The following WNT7A variants were observed in gnomAD, a reference collection of about 807,000 sequenced individuals.
WNT7A encodes protein Wnt-7a.
A neutral mutation model predicts 28.2 loss-of-function variants in WNT7A; 16 were observed. The observed-to-expected ratio is 0.57, with a 90% CI of 0.38 to 0.86. The LOEUF (loss-of-function observed/expected upper bound fraction) is 0.86, where lower values mean the gene tolerates loss of function less well. Ranked by LOEUF, WNT7A falls within the 40% of genes least tolerant of loss-of-function variation. WNT7A has a pLI of 0.00. For synonymous variants in WNT7A, 190 were observed against 195.9 expected (o/e 0.97, Z 0.25); for missense variants, 411 against 489.7 (o/e 0.84, Z 1.52).
In WNT7A at chr3:13,880,029, G is replaced by C; in HGVS notation, c.-213C>G. The stretch of plus-strand genomic sequence containing the variant: ...GGAGGGAGGGAGGAGCGAGCGCGGC[G>C]TGGGGCGACGCCGGGCTGCGCGCGA... On this transcript the variant is annotated 5_prime_UTR_variant, in exon 1 of 4. Transcript: ENST00000285018. The C allele has an allele frequency of 2.7e-6, 1 of 365,058 alleles. No homozygotes were observed. The highest frequency in any genetic ancestry group is 4.9e-6 in the Non-Finnish European group (1 of 205,992). The allele number at this position is 365,058 out of a possible 1,614,324, so 22.6% of individuals were successfully genotyped here.
At chr3:13,869,925 C>T (rs555986195) in intron 2 of WNT7A, among the ~76,000 whole-genome samples, 1 of 152,246 alleles carries the variant, frequency 6.6e-6, no homozygotes, top group African/African-American at 2.4e-5. Flanking sequence ...GGCTGCAGGC[C>T]CCTGCTCATT....
Position 13,875,181 on chromosome 3 carries a change from G to A in WNT7A, c.72-8C>T, listed in dbSNP as rs886044627. ...ACCACTGAGGAGAAGCCACTGGAGGGAGAGACACAGAGAGATGGAGCATTA... is the reference window on the plus strand; with the variant it reads ...ACCACTGAGGAGAAGCCACTGGAGGAAGAGACACAGAGAGATGGAGCATTA... On this transcript the variant is annotated splice_region_variant and splice_polypyrimidine_tract_variant and intron_variant, in intron 1 of 3. Transcript: ENST00000285018. The A allele has an allele frequency of 6.2e-7, 1 of 1,613,732 alleles. No homozygotes were observed. Among genetic ancestry groups the A allele is most frequent in the Non-Finnish European group, 8.5e-7 (1 of 1,179,904 alleles).
chr3:13,820,771 G>T (rs924626003), intron 3 of WNT7A, among the ~76,000 whole-genome samples: 1 of 152,184 alleles, frequency 6.6e-6, no homozygotes, highest in Non-Finnish European at 1.5e-5. Context: ...CCTTCCAGGA[G>T]AGGTGACCAG....
chr3:13,825,917 C>T (rs574817521), intron 3 of WNT7A, among the ~76,000 whole-genome samples: 1 of 152,336 alleles, frequency 6.6e-6, no homozygotes, highest in East Asian at 1.9e-4. Flanking sequence ...CCATCTCAGC[C>T]TCTGCTTCCA....
At chr3:13,878,426 A>C (rs1037867622) in intron 1 of WNT7A, among the ~76,000 whole-genome samples, 2 of 152,112 alleles carry the variant, frequency 1.3e-5, no homozygotes, top group Non-Finnish European at 2.9e-5. Flanking sequence ...AGGGGAAAAA[A>C]AGGAAAGCCA....
rs1484470912 is a variant in WNT7A, at chr3:13,818,402, T to G, written c.*542A>C. 1 of 142,554 alleles carries G rather than the reference T, an allele frequency of 7.0e-6. No individual in the cohort carries two copies. The highest frequency in any genetic ancestry group is 1.5e-5 in the Non-Finnish European group (1 of 66,676). 8.8% of individuals were successfully genotyped at this position (142,554 alleles called of 1,614,324 possible). A position where few individuals can be genotyped will look rare whatever the true frequency, so the allele number is the denominator to read the frequency against. Reference sequence around the variant, plus strand: ...TGTATATCTATATATGCATAAAAGATGTCTCCTCTTGTACTTAAACATCTA... The same window carrying G: ...TGTATATCTATATATGCATAAAAGAGGTCTCCTCTTGTACTTAAACATCTA... On this transcript the variant is annotated 3_prime_UTR_variant, in exon 4 of 4. Coordinates refer to ENST00000285018, the MANE Select transcript of WNT7A (RefSeq NM_004625.4).
At chr3:13,867,780 A>G (rs1575073647) in intron 2 of WNT7A, among the ~76,000 whole-genome samples, 1 of 152,258 alleles carries the variant, frequency 6.6e-6, no homozygotes, top group Non-Finnish European at 1.5e-5. Flanking sequence ...AAAAATGGGG[A>G]AAAAGCATGA....
chr3:13,853,918 C>T (rs1365282012), intron 3 of WNT7A, among the ~76,000 whole-genome samples: 1 of 152,188 alleles, frequency 6.6e-6, no homozygotes, highest in East Asian at 1.9e-4. Context: ...GACCTGGGAC[C>T]TGCAGGGTGA....
chr3:13,819,445 A>C, intron 3 of WNT7A, 22 bp from the exon 4 acceptor site: 1 of 1,608,744 alleles, frequency 6.2e-7, no homozygotes, highest in South Asian at 1.1e-5. Flanking sequence ...GGCGGGGAAG[A>C]GCACAGCACA....
intron 3 of WNT7A, among the ~76,000 whole-genome samples, chr3:13,822,110 GA>G (rs1575058371): frequency 6.6e-6 from 1 of 152,222 alleles, no homozygotes; most frequent in African/African-American, 2.4e-5. Flanking sequence ...GGAGCCATCA[GA>G]ACCCTCTTGC....
chr3:13,870,448 T>C (rs1695012366), intron 2 of WNT7A, among the ~76,000 whole-genome samples: 1 of 152,128 alleles, frequency 6.6e-6, no homozygotes, highest in African/African-American at 2.4e-5. Flanking sequence ...AACTGGACAA[T>C]TCATTTCTGC....
chr3:13,836,818 G>T (rs1251426627), intron 3 of WNT7A, among the ~76,000 whole-genome samples: 2 of 152,256 alleles, frequency 1.3e-5, no homozygotes, highest in South Asian at 2.1e-4. Flanking sequence ...CGAGGGAAGG[G>T]TATCACCTGT....
chr3:13,873,132 C>T (rs532216571), intron 2 of WNT7A, among the ~76,000 whole-genome samples: 75 of 152,168 alleles, frequency 4.9e-4, no homozygotes, highest in African/African-American at 1.7e-3. Flanking sequence ...AGTGTTGATG[C>T]CACTCACTAT....
chr3:13,835,535 G>A (rs1694353451), intron 3 of WNT7A, among the ~76,000 whole-genome samples: 1 of 152,218 alleles, frequency 6.6e-6, no homozygotes, highest in Non-Finnish European at 1.5e-5. Context: ...CAGAGCAATG[G>A]GACACAGAGC....
chr3:13,831,474 G>C (rs192411660), intron 3 of WNT7A, among the ~76,000 whole-genome samples: 36 of 152,292 alleles, frequency 2.4e-4, no homozygotes, highest in Admixed American at 1.3e-3. Flanking sequence ...AAGGAAGGTG[G>C]GTGGGCTAGG....
At chr3:13,823,475 C>T (rs9874609) in intron 3 of WNT7A, among the ~76,000 whole-genome samples, 1 of 152,132 alleles carries the variant, frequency 6.6e-6, no homozygotes, top group Non-Finnish European at 1.5e-5. Flanking sequence ...GTTCAGGGTC[C>T]CACAGGCCCT....
chr3:13,863,629 T>A (rs1356729923), intron 2 of WNT7A: 5 of 152,012 alleles, frequency 3.3e-5, no homozygotes, highest in African/African-American at 1.2e-4. Context: ...AAGTCCTTTG[T>A]TAGCTGCATT....
At chr3:13,869,123 A>G (rs1694986600) in intron 2 of WNT7A, among the ~76,000 whole-genome samples, 2 of 148,864 alleles carry the variant, frequency 1.3e-5, no homozygotes, top group Non-Finnish European at 3.0e-5. Context: ...AGAGGGAGGG[A>G]GGAATGAAAG....
At chr3:13,855,290 G>T (rs1026771972) in intron 2 of WNT7A, among the ~76,000 whole-genome samples, 2 of 152,212 alleles carry the variant, frequency 1.3e-5, no homozygotes, top group Non-Finnish European at 2.9e-5. Flanking sequence ...ATTGGCCAAG[G>T]ACTACTCCTC....
Sources: allele counts gnomAD v4.1 joint callset (sites outside exome capture counted in the v4.1 genomes callset), GRCh38; gene constraint gnomAD v4.1.1; transcripts MANE v1.5; gene names NCBI Gene and HGNC (gene_info 2026-07-23, HGNC 2026-07-21).